Variants in PTPRD observed in about 807,000 individuals in gnomAD.
PTPRD encodes protein tyrosine phosphatase receptor type D.
A neutral mutation model predicts 214.5 loss-of-function variants in PTPRD; 34 were observed. The ratio of observed to expected loss-of-function variants is 0.16; its 90% CI spans 0.12 to 0.21. PTPRD has a LOEUF of 0.21. Ranked by LOEUF, PTPRD falls within the 10% of genes least tolerant of loss-of-function variation. The pLI, the probability that PTPRD is intolerant of heterozygous loss-of-function variation, is 1.00. For synonymous variants in PTPRD, 1,128 were observed against 845.7 expected (o/e 1.33, Z -5.79); for missense variants, 2,545 against 2,398.7 (o/e 1.06, Z -1.27).
intron 12 of PTPRD, among the ~76,000 whole-genome samples, chr9:8,713,048 A>T (rs992494877): frequency 1.3e-5 from 2 of 152,166 alleles, no homozygotes; most frequent in Admixed American, 1.3e-4. Context: ...AAATCTCAAA[A>T]TAAAAATCTC....
chr9:10,367,717 C>G (rs558545879), intron 2 of PTPRD, among the ~76,000 whole-genome samples: 3 of 152,144 alleles, frequency 2.0e-5, no homozygotes, highest in Non-Finnish European at 1.5e-5. Context: ...TCCTTTGATT[C>G]TTCTCTCCTC....
chr9:10,475,562 G>C (rs182876684), intron 2 of PTPRD, among the ~76,000 whole-genome samples: 1 of 152,020 alleles, frequency 6.6e-6, no homozygotes, highest in African/African-American at 2.4e-5. Context: ...GGTACAAAGA[G>C]GAGCTGGTAC....
chr9:8,888,804 G>A (rs1158600875), intron 11 of PTPRD, among the ~76,000 whole-genome samples: 2 of 152,198 alleles, frequency 1.3e-5, no homozygotes, highest in Non-Finnish European at 2.9e-5. Flanking sequence ...TGTGACAGAG[G>A]AGTGGAGAGA....
chr9:9,060,968 A>T (rs938388196), intron 10 of PTPRD, among the ~76,000 whole-genome samples: 9 of 152,234 alleles, frequency 5.9e-5, no homozygotes, highest in African/African-American at 2.2e-4. Context: ...GGAATCTCAC[A>T]ATCAGAATGC....
At chr9:9,797,839 A>T (rs1378821264) in intron 5 of PTPRD, among the ~76,000 whole-genome samples, 5 of 152,146 alleles carry the variant, frequency 3.3e-5, no homozygotes, top group Non-Finnish European at 7.4e-5. Flanking sequence ...CAACAGCGAG[A>T]CTTAATCTCA....
intron 5 of PTPRD, among the ~76,000 whole-genome samples, chr9:9,925,544 T>C (rs1261040496): frequency 6.6e-6 from 1 of 152,090 alleles, no homozygotes; most frequent in South Asian, 2.1e-4. Flanking sequence ...AGCATGTTTT[T>C]ATTATTATAA....
chr9:9,553,837 A>G (rs1399499457), intron 8 of PTPRD, among the ~76,000 whole-genome samples: 3 of 152,094 alleles, frequency 2.0e-5, no homozygotes, highest in Non-Finnish European at 4.4e-5. Context: ...TAATGCTTAC[A>G]CATTCTCACG....
intron 10 of PTPRD, among the ~76,000 whole-genome samples, chr9:9,166,382 G>A (rs994608411): frequency 6.6e-6 from 1 of 152,024 alleles, no homozygotes; most frequent in Non-Finnish European, 1.5e-5. Context: ...TCCACAGAGA[G>A]CTCTCTTCTG....
intron 9 of PTPRD, among the ~76,000 whole-genome samples, chr9:9,342,409 G>A (rs1334862989): frequency 6.6e-6 from 1 of 152,106 alleles, no homozygotes. Flanking sequence ...AAAAGGAAAA[G>A]TAGAGAAAAA....
intron 5 of PTPRD, among the ~76,000 whole-genome samples, chr9:9,925,977 C>T (rs540124337): frequency 1.3e-5 from 2 of 152,124 alleles, no homozygotes; most frequent in Admixed American, 1.3e-4. Context: ...TACAGATGTA[C>T]AGCACCATGC....
intron 2 of PTPRD, among the ~76,000 whole-genome samples, chr9:10,357,185 C>T (rs2097295246): frequency 1.3e-5 from 2 of 152,088 alleles, no homozygotes; most frequent in South Asian, 4.1e-4. Context: ...CCTAGACCCC[C>T]TAGATCATTT....
At chr9:9,420,974 T>A (rs2078602293) in intron 8 of PTPRD, among the ~76,000 whole-genome samples, 1 of 151,990 alleles carries the variant, frequency 6.6e-6, no homozygotes, top group Non-Finnish European at 1.5e-5. Flanking sequence ...TATGCCTTCA[T>A]AAGGCTGCCA....
chr9:10,426,717 T>A (rs2098622764), intron 2 of PTPRD, among the ~76,000 whole-genome samples: 1 of 152,088 alleles, frequency 6.6e-6, no homozygotes, highest in East Asian at 1.9e-4. Flanking sequence ...TGCATTTACC[T>A]GAAGTGGACT....
At chr9:10,194,686 CAT>C (rs1564449656) in intron 3 of PTPRD, among the ~76,000 whole-genome samples, 1 of 137,890 alleles carries the variant, frequency 7.3e-6, no homozygotes, top group Non-Finnish European at 1.6e-5. Context: ...CAATTACATA[CAT>C]TGGTTACAAT....
intron 9 of PTPRD, among the ~76,000 whole-genome samples, chr9:9,368,376 T>C (rs974110592): frequency 6.6e-6 from 1 of 151,814 alleles, no homozygotes; most frequent in Non-Finnish European, 1.5e-5. Flanking sequence ...AGATAATAAG[T>C]GTTAGTCCAT....
At chr9:9,736,051 G>C (rs941207897) in intron 6 of PTPRD, among the ~76,000 whole-genome samples, 2 of 152,062 alleles carry the variant, frequency 1.3e-5, no homozygotes, top group African/African-American at 4.8e-5. Context: ...CATGTGCAGA[G>C]ATTTGTAATC....
chr9:9,458,454 G>C (rs759848512), intron 8 of PTPRD, among the ~76,000 whole-genome samples: 9 of 151,888 alleles, frequency 5.9e-5, no homozygotes, highest in Non-Finnish European at 1.0e-4. Flanking sequence ...TATTCTTTTA[G>C]GCTAACTTTG....
intron 5 of PTPRD, among the ~76,000 whole-genome samples, chr9:9,828,460 A>G (rs1317528966): frequency 4.6e-5 from 7 of 152,078 alleles, no homozygotes; most frequent in Non-Finnish European, 8.8e-5. Flanking sequence ...ATGAGAACAC[A>G]TGGACACAGG....
intron 3 of PTPRD, among the ~76,000 whole-genome samples, chr9:10,167,068 A>T (rs867953867): frequency 2.0e-5 from 3 of 152,092 alleles, no homozygotes; most frequent in African/African-American, 7.2e-5. Context: ...TAAACCTAAA[A>T]TACAGAATTT....
Sources: gnomAD v4.1 joint callset for allele counts (sites outside exome capture counted in the v4.1 genomes callset) on GRCh38, gnomAD v4.1.1 for gene constraint, MANE v1.5 for transcripts, NCBI Gene and HGNC (gene_info 2026-07-23, HGNC 2026-07-21) for gene names.